The following SMCO2 variants were observed in gnomAD, a reference collection of about 807,000 sequenced individuals.
The protein encoded by SMCO2 is single-pass membrane protein with coiled-coil domains 2.
In SMCO2, 25 loss-of-function variants were observed where a neutral mutation model predicts 29.5. The ratio of observed to expected loss-of-function variants is 0.85; its 90% CI spans 0.62 to 1.18. The LOEUF is 1.18. Ranked by LOEUF, SMCO2 falls within the 50% of genes most tolerant of loss-of-function variation. The probability of loss-of-function intolerance (pLI) is 0.00; values close to 1 mark genes in which losing one functional copy is unlikely to be tolerated. For missense variants in SMCO2, 348 were observed against 344.5 expected, an observed-to-expected ratio of 1.01 and a Z score of -0.08; for synonymous variants, 117 against 123.3, an observed-to-expected ratio of 0.95 and a Z score of 0.34.
At chr12:27,458,988 C>A in the SMCO2 span, among the ~76,000 whole-genome samples, 2 of 151,102 alleles carry the variant, frequency 1.3e-5, no homozygotes, top group Non-Finnish European at 2.9e-5. Context: ...AAGATCGAGA[C>A]CATCCTGGCT....
At chr12:27,475,773 G>A (rs1949581179) in intron 4 of SMCO2, 42 bp downstream of exon 5, 1 of 1,400,616 alleles carries the variant, frequency 7.1e-7, no homozygotes, top group South Asian at 1.8e-5. Context: ...ATAGCAGAAA[G>A]TTTCATAGCT....
chr12:27,462,434 A>G (rs1226971682), upstream of SMCO2, among the ~76,000 whole-genome samples: 1 of 152,220 alleles, frequency 6.6e-6, no homozygotes, highest in African/African-American at 2.4e-5. Flanking sequence ...CAGATGTACA[A>G]TGAATAATAT....
intron 4 of SMCO2, among the ~76,000 whole-genome samples, chr12:27,478,919 C>T (rs780830251): frequency 3.9e-5 from 6 of 152,166 alleles, no homozygotes; most frequent in Non-Finnish European, 7.4e-5. Context: ...GTGGCAGTGG[C>T]AGGGTGGACC....
At chr12:27,480,767 A>G (rs568377732) in intron 4 of SMCO2, among the ~76,000 whole-genome samples, 1 of 151,708 alleles carries the variant, frequency 6.6e-6, no homozygotes, top group Non-Finnish European at 1.5e-5. Context: ...TTCATCTTCC[A>G]CCATGATTGT....
At chr12:27,475,018 C>T (rs1348310852) in intron 4 of SMCO2, 105 bp downstream of exon 4, 25 of 1,371,818 alleles carry the variant, frequency 1.8e-5, no homozygotes, top group Non-Finnish European at 5.9e-6. Flanking sequence ...AAAATCCATA[C>T]ATGTCTTGAA....
chr12:27,445,912 T>TC, the SMCO2 span, among the ~76,000 whole-genome samples: 4 of 149,078 alleles, frequency 2.7e-5, no homozygotes, highest in South Asian at 2.1e-4. Flanking sequence ...TCTCTCTCTC[T>TC]TTTTTTTTTA....
chr12:27,444,473 C>T, the SMCO2 span, among the ~76,000 whole-genome samples: 1 of 151,994 alleles, frequency 6.6e-6, no homozygotes, highest in Non-Finnish European at 1.5e-5. Flanking sequence ...AAGTATAGGC[C>T]ATCAAAGCAA....
At chr12:27,424,804 A>G in the SMCO2 span, 1 of 152,198 alleles carries the variant, frequency 6.6e-6, no homozygotes, top group Non-Finnish European at 1.5e-5. Flanking sequence ...AGTGGCCACT[A>G]GGTGCCACTT....
upstream of SMCO2, among the ~76,000 whole-genome samples, chr12:27,464,507 G>A (rs1201468495): frequency 1.3e-5 from 2 of 151,946 alleles, no homozygotes; most frequent in East Asian, 1.9e-4. Flanking sequence ...CTAGGAGTTC[G>A]AGACCAGCCT....
At chr12:27,487,525 T>C (rs1194419915) in intron 4 of SMCO2, among the ~76,000 whole-genome samples, 1 of 152,232 alleles carries the variant, frequency 6.6e-6, no homozygotes, top group African/African-American at 2.4e-5. Flanking sequence ...ATAAAGCTGC[T>C]TTGAATATAC....
At chr12:27,443,909 A>C in the SMCO2 span, among the ~76,000 whole-genome samples, 1 of 152,250 alleles carries the variant, frequency 6.6e-6, no homozygotes, top group South Asian at 2.1e-4. Flanking sequence ...AAATTAATTT[A>C]CAGATTCAAT....
the SMCO2 span, among the ~76,000 whole-genome samples, chr12:27,428,964 A>T: frequency 1.3e-5 from 2 of 152,082 alleles, no homozygotes; most frequent in East Asian, 3.9e-4. Context: ...ACCAGAAGGG[A>T]CATGTAGACG....
chr12:27,448,007 C>CTACA, the SMCO2 span, among the ~76,000 whole-genome samples: 32 of 152,328 alleles, frequency 2.1e-4, no homozygotes, highest in African/African-American at 7.7e-4. Context: ...GGGACAGGAA[C>CTACA]TGTATCTTTA....
chr12:27,460,734 C>T, the SMCO2 span, among the ~76,000 whole-genome samples: 2 of 152,110 alleles, frequency 1.3e-5, no homozygotes, highest in Non-Finnish European at 2.9e-5. Context: ...AGTTCAAACC[C>T]GTGTTCTTCA....
At chr12:27,449,656 A>G in the SMCO2 span, among the ~76,000 whole-genome samples, 1 of 152,220 alleles carries the variant, frequency 6.6e-6, no homozygotes, top group East Asian at 1.9e-4. Flanking sequence ...TGGTCCCTTG[A>G]AGGGGGGAAA....
intron 7 of SMCO2, chr12:27,497,648 T>G (rs1943024100): frequency 6.5e-6 from 1 of 153,088 alleles, no homozygotes; most frequent in African/African-American, 2.6e-5. Context: ...GACTATCACC[T>G]GAGCCCAGGG....
chr12:27,435,282 ACCCCCC>A, the SMCO2 span, among the ~76,000 whole-genome samples: 348 of 22,296 alleles, frequency 0.016, 143 homozygotes, highest in Admixed American at 0.19. Flanking sequence ...TGGCAGCAGA[ACCCCCC>A]CCCCCCCCCC....
chr12:27,444,426 A>G, the SMCO2 span, among the ~76,000 whole-genome samples: 3 of 152,234 alleles, frequency 2.0e-5, no homozygotes, highest in Non-Finnish European at 2.9e-5. Flanking sequence ...ACTCAAGGGC[A>G]TTGGTCTGGG....
the SMCO2 span, among the ~76,000 whole-genome samples, chr12:27,439,580 C>T: frequency 6.6e-6 from 1 of 152,092 alleles, no homozygotes; most frequent in African/African-American, 2.4e-5. Context: ...TAAGGAAACT[C>T]AGCGATCTCC....
Sources: gnomAD v4.1 joint callset for allele counts (sites outside exome capture counted in the v4.1 genomes callset) on GRCh38, gnomAD v4.1.1 for gene constraint, MANE v1.5 for transcripts, NCBI Gene and HGNC (gene_info 2026-07-23, HGNC 2026-07-21) for gene names.